TSPAN5: variants seen among roughly 807,000 people sequenced by gnomAD.
TSPAN5 encodes the protein tetraspanin 5.
Under a neutral mutation model 37.1 loss-of-function variants are expected in TSPAN5, and 10 were observed. The observed-to-expected ratio is 0.27, with a 90% CI of 0.17 to 0.46. The LOEUF (loss-of-function observed/expected upper bound fraction) is 0.46, where lower values mean the gene tolerates loss of function less well. Among genes scored for constraint, TSPAN5 ranks in the 20% least tolerant of loss-of-function variants. The pLI is 1.00. For missense variants in TSPAN5, 195 were observed against 326.6 expected (o/e 0.60, Z 3.11); for synonymous variants, 110 against 118.9 (o/e 0.93, Z 0.48).
intron 1 of TSPAN5, among the ~76,000 whole-genome samples, chr4:98,534,363 G>A (rs972887287): frequency 2.0e-5 from 3 of 152,202 alleles, no homozygotes; most frequent in Non-Finnish European, 4.4e-5. Context: ...TAATTTGACT[G>A]CACTGTGGTC....
chr4:98,562,696 C>CAAAAA (rs869162712), intron 1 of TSPAN5, among the ~76,000 whole-genome samples: 2 of 148,552 alleles, frequency 1.3e-5, no homozygotes, highest in African/African-American at 5.1e-5. Context: ...CAAAACAAAA[C>CAAAAA]AAAAAAACAG....
At chr4:98,557,138 T>C (rs1754767872) in intron 1 of TSPAN5, among the ~76,000 whole-genome samples, 1 of 143,782 alleles carries the variant, frequency 7.0e-6, no homozygotes, top group Non-Finnish European at 1.5e-5. Context: ...TCTTTGATAG[T>C]AACACTTTAA....
At chr4:98,503,483 C>T (rs180739051) in intron 2 of TSPAN5, among the ~76,000 whole-genome samples, 134 of 152,166 alleles carry the variant, frequency 8.8e-4, no homozygotes, top group African/African-American at 3.1e-3. Context: ...CCCGGGCTAA[C>T]ATGTGGAAAG....
chr4:98,579,770 G>A (rs1001449837), intron 1 of TSPAN5, among the ~76,000 whole-genome samples: 10 of 152,132 alleles, frequency 6.6e-5, no homozygotes, highest in Non-Finnish European at 1.2e-4. Context: ...TATGGAAGGC[G>A]AAAGCTCCTG....
chr4:98,554,181 C>G (rs1484065661), intron 1 of TSPAN5, among the ~76,000 whole-genome samples: 6 of 152,120 alleles, frequency 3.9e-5, no homozygotes, highest in African/African-American at 1.2e-4. Context: ...CCATTTTATA[C>G]TTGAACAATA....
At chr4:98,650,884 GCACTGGC>G (rs1443309125) in intron 1 of TSPAN5, among the ~76,000 whole-genome samples, 1 of 152,178 alleles carries the variant, frequency 6.6e-6, no homozygotes, top group Non-Finnish European at 1.5e-5. Context: ...TGAAAAGACT[GCACTGGC>G]CAAACCTAGG....
chr4:98,521,121 AG>A (rs1367917030), intron 1 of TSPAN5, among the ~76,000 whole-genome samples: 6 of 152,124 alleles, frequency 3.9e-5, no homozygotes, highest in African/African-American at 1.4e-4. Flanking sequence ...TAGTAGAGAC[AG>A]GGTTTCACCA....
intron 1 of TSPAN5, among the ~76,000 whole-genome samples, chr4:98,631,889 T>A (rs1756757051): frequency 1.3e-5 from 2 of 152,166 alleles, no homozygotes; most frequent in African/African-American, 4.8e-5. Context: ...CTTAGGCCAC[T>A]TTTTAGTTTT....
intron 1 of TSPAN5, among the ~76,000 whole-genome samples, chr4:98,566,143 G>C (rs1450609967): frequency 2.0e-5 from 3 of 152,056 alleles, no homozygotes; most frequent in Non-Finnish European, 4.4e-5. Context: ...CCTTACTCTG[G>C]CAACTGAGAT....
chr4:98,629,471 T>C (rs1303928954), intron 1 of TSPAN5, among the ~76,000 whole-genome samples: 1 of 152,242 alleles, frequency 6.6e-6, no homozygotes, highest in Non-Finnish European at 1.5e-5. Context: ...CCTAAAATGC[T>C]GATAAATTAC....
intron 1 of TSPAN5, among the ~76,000 whole-genome samples, chr4:98,610,984 C>T (rs1226906131): frequency 6.6e-6 from 1 of 152,162 alleles, no homozygotes; most frequent in African/African-American, 2.4e-5. Context: ...TGTGATATGA[C>T]TCGATGTAAT....
intron 1 of TSPAN5, among the ~76,000 whole-genome samples, chr4:98,547,395 CATT>C (rs1488996877): frequency 1.3e-5 from 2 of 152,190 alleles, no homozygotes; most frequent in Non-Finnish European, 2.9e-5. Context: ...TGCCAGCCAT[CATT>C]AACTGTCGGA....
intron 1 of TSPAN5, among the ~76,000 whole-genome samples, chr4:98,509,347 T>C (rs1753552376): frequency 6.6e-6 from 1 of 152,210 alleles, no homozygotes; most frequent in Non-Finnish European, 1.5e-5. Context: ...CCTGATACTT[T>C]GTAAGCAATC....
At position 98,497,604 on chromosome 4, in the gene TSPAN5, G is replaced by GT. The variant is rs1300889829; in HGVS notation, c.132+10073_132+10074insA. On this transcript the variant is annotated intron_variant, in intron 2 of 7. Coordinates refer to ENST00000305798, the MANE Select transcript of TSPAN5 (RefSeq NM_005723.4). The stretch of plus-strand genomic sequence containing the variant: ...AAAAAAGGTGAAGTCTGGACTAGCG[G>GT]CAGGTGACCCTCTATTCTGGGACCT... Among the ~76,000 whole-genome samples the GT allele has an allele frequency of 3.3e-5, 5 of 152,232 alleles. 1 individual carries two copies. In the East Asian group the frequency reaches 9.6e-4, roughly 29 times the overall value.
chr4:98,514,493 C>T (rs922374142), intron 1 of TSPAN5, among the ~76,000 whole-genome samples: 1 of 152,196 alleles, frequency 6.6e-6, no homozygotes, highest in African/African-American at 2.4e-5. Context: ...AAGTCAATCC[C>T]AGTTTTCCCA....
intron 2 of TSPAN5, among the ~76,000 whole-genome samples, chr4:98,499,763 C>T (rs191558555): frequency 1.1e-4 from 16 of 148,372 alleles, no homozygotes; most frequent in African/African-American, 3.8e-4. Flanking sequence ...TGGGTTCATA[C>T]CATTCTCCTG....
At chr4:98,658,124 T>A (rs377085453) in intron 1 of TSPAN5, 22 bp downstream of exon 1, 3 of 1,597,488 alleles carry the variant, frequency 1.9e-6, no homozygotes, top group Non-Finnish European at 1.7e-6. Flanking sequence ...ATAGTTGGAA[T>A]CCCAGGAGCG....
intron 1 of TSPAN5, among the ~76,000 whole-genome samples, chr4:98,537,293 G>A (rs991359662): frequency 1.3e-5 from 2 of 152,202 alleles, no homozygotes; most frequent in East Asian, 3.9e-4. Context: ...GCCCCACCCT[G>A]CTTCGGCTTG....
At chr4:98,505,456 C>G (rs1193448662) in intron 2 of TSPAN5, among the ~76,000 whole-genome samples, 1 of 152,202 alleles carries the variant, frequency 6.6e-6, no homozygotes, top group African/African-American at 2.4e-5. Flanking sequence ...GCTCTTCCCT[C>G]TTCCTAGAAT....
Sources: gnomAD v4.1 joint callset for allele counts (sites outside exome capture counted in the v4.1 genomes callset) on GRCh38, gnomAD v4.1.1 for gene constraint, MANE v1.5 for transcripts, NCBI Gene and HGNC (gene_info 2026-07-23, HGNC 2026-07-21) for gene names.